AGO1: variants seen among roughly 807,000 people sequenced by gnomAD.
AGO1 encodes the protein argonaute RISC component 1.
AGO1 carries 11 observed loss-of-function variants against 109.2 expected under a neutral mutation model. That is an observed-to-expected ratio of 0.10 (90% CI 0.06 to 0.17). The LOEUF is 0.17. Among genes scored for constraint, AGO1 ranks in the 10% least tolerant of loss-of-function variants. The pLI is 1.00. For synonymous variants in AGO1, 422 were observed against 418.6 expected, an observed-to-expected ratio of 1.01 and a Z score of -0.10; for missense variants, 574 against 1,140.3, an observed-to-expected ratio of 0.50 and a Z score of 7.15.
chr1:35,880,504 G>C (rs982639331), upstream of AGO1, among the ~76,000 whole-genome samples: 3 of 152,212 alleles, frequency 2.0e-5, no homozygotes, highest in African/African-American at 7.2e-5. Context: ...GGAGACTGCA[G>C]AGTCCAGATT....
intron 14 of AGO1, among the ~76,000 whole-genome samples, chr1:35,914,866 GGCTT>G (rs954469159): frequency 2.0e-5 from 3 of 152,116 alleles, no homozygotes; most frequent in Admixed American, 6.5e-5. Context: ...ATCCCTCCTA[GGCTT>G]TGGCTGCTGT....
In AGO1 at chr1:35,883,432, G is replaced by T; in HGVS notation, c.11G>T (p.Gly4Val). 3.2e-6 allele frequency: 5 copies of T among 1,572,764 alleles called. No individual in the cohort carries two copies. The highest frequency in any genetic ancestry group is 4.3e-6 in the Non-Finnish European group (5 of 1,162,290). Residue 4 changes from glycine to valine, a missense_variant, in exon 1 of 19, where the codon GGA becomes GTA. Physicochemically the swap from Gly to Val is moderately radical, Grantham distance 109. Around this residue, in one of 8 missense-constraint regions of AGO1, gnomAD observed 89 missense variants for 109.6 expected, o/e 0.81. Transcript: ENST00000373204. The surrounding 1 kb of genome is among the most constrained non-coding windows in gnomAD (Gnocchi z 5.4). Reference sequence around the variant, plus strand: ...GCACGGGTATATGGGATGGAAGCGGGACCCTCGGGAGCAGGTAAGGGTCCC... The same window carrying T: ...GCACGGGTATATGGGATGGAAGCGGTACCCTCGGGAGCAGGTAAGGGTCCC... The part of the protein sequence containing the change: MEA[G>V]PSGAAAGAYL...
intron 8 of AGO1, among the ~76,000 whole-genome samples, chr1:35,897,441 A>T (rs1645339324): frequency 6.6e-6 from 1 of 152,200 alleles, no homozygotes; most frequent in Non-Finnish European, 1.5e-5. Flanking sequence ...GTATTGTGTG[A>T]GGGGAAAAGC....
intron 11 of AGO1, among the ~76,000 whole-genome samples, chr1:35,905,617 C>T (rs1645505854): frequency 6.6e-6 from 1 of 152,092 alleles, no homozygotes; most frequent in African/African-American, 2.4e-5. Context: ...CAGGCACTCA[C>T]CACCATGCCC....
chr1:35,906,947 C>G lies in AGO1; in HGVS notation c.1410C>G (p.Asp470Glu). The G allele has an allele frequency of 1.2e-6, 2 of 1,612,258 alleles. No homozygotes were observed. Among genetic ancestry groups the G allele is most frequent in the Non-Finnish European group, 1.7e-6 (2 of 1,178,852 alleles). ...TGCGTGTGTACAGGAACTTCACAGACCAGCTGCGGAAGATTTCCAAGGATG... is the reference window on the plus strand; with the variant it reads ...TGCGTGTGTACAGGAACTTCACAGAGCAGCTGCGGAAGATTTCCAAGGATG... ...CREEVLKNFT[D>E]QLRKISKDAG... The change falls in exon 12 of 19, where the codon GAC becomes GAG. Residue 470 changes from aspartate (D) to glutamate (E), a missense_variant. Asp to Glu is a conservative substitution (Grantham distance 45, BLOSUM62 2). This residue lies in a region of AGO1 where 106 missense variants were observed against 147.8 expected (regional missense o/e 0.72). Transcript: ENST00000373204.
intron 8 of AGO1, among the ~76,000 whole-genome samples, chr1:35,896,955 G>T (rs1273222920): frequency 6.6e-6 from 1 of 152,184 alleles, no homozygotes; most frequent in Non-Finnish European, 1.5e-5. Flanking sequence ...TTAAACAGCA[G>T]TTTCCAAGGG....
intron 1 of AGO1, chr1:35,869,921 G>C (rs891935802): frequency 2.0e-5 from 3 of 152,226 alleles, no homozygotes; most frequent in African/African-American, 7.2e-5. Flanking sequence ...ATTTAATCCG[G>C]TGTGCATTTT....
rs80231347 is a variant in AGO1, at chr1:35,894,201, C to T, written c.784+30C>T. On this transcript the variant is annotated intron_variant, in intron 6 of 18. Coordinates refer to ENST00000373204, the MANE Select transcript of AGO1 (RefSeq NM_012199.5). The stretch of plus-strand genomic sequence containing the variant: ...GGACCCAACAGGAGGGGAAGGGAAA[C>T]AGCGCCACTTTAGCCCTAAGAGGAA... The T allele has an allele frequency of 2.0e-3, 3,132 of 1,568,840 alleles. 47 individuals are homozygous for T. In the African/African-American group the frequency reaches 0.037, roughly 18 times the overall value.
Position 35,888,696 on chromosome 1 carries a change from G to T in AGO1, c.209+86G>T, listed in dbSNP as rs560855697. 8.3e-6 allele frequency: 12 copies of T among 1,452,776 alleles called. No homozygotes were observed. The East Asian group carries it at 2.1e-4, about 26-fold the overall frequency. 90.0% of individuals were successfully genotyped at this position (1,452,776 alleles called of 1,614,324 possible). ...GAAAGGTAAAAGAAAAACCAGTAGA[G>T]GGTAGTATCACCAAATCTAAGGAAG... On this transcript the variant is annotated intron_variant, in intron 2 of 18. Coordinates refer to ENST00000373204, the MANE Select transcript of AGO1 (RefSeq NM_012199.5). This position sits in a 1 kb window ranked among gnomAD's most constrained non-coding sequence, Gnocchi z 4.1.
intron 1 of AGO1, among the ~76,000 whole-genome samples, chr1:35,885,512 C>T (rs902438736): frequency 6.6e-6 from 1 of 152,184 alleles, no homozygotes; most frequent in African/African-American, 2.4e-5. Flanking sequence ...TTGAGGGACC[C>T]CATAACTGCC....
chr1:35,903,131 C>A (rs910660815), intron 11 of AGO1, among the ~76,000 whole-genome samples: 1 of 151,566 alleles, frequency 6.6e-6, no homozygotes, highest in African/African-American at 2.4e-5. Flanking sequence ...CTCAGCCTCC[C>A]GAGTAGCTGG....
upstream of AGO1, among the ~76,000 whole-genome samples, chr1:35,879,734 CAAAAAAAAAAAAAA>C (rs71034705): frequency 1.3e-3 from 77 of 57,498 alleles, 1 homozygote; most frequent in African/African-American, 5.9e-3. Flanking sequence ...GGTTCTGTCT[CAAAAAAAAAAAAAA>C]AAAAAAAAAA....
chr1:35,879,169 G>A (rs868815646), upstream of AGO1, among the ~76,000 whole-genome samples: 91 of 152,324 alleles, frequency 6.0e-4, no homozygotes, highest in African/African-American at 2.1e-3. Context: ...AAATGCAGGG[G>A]CTGAGCACGG....
chr1:35,897,755 C>T (rs1043623250), intron 8 of AGO1, among the ~76,000 whole-genome samples: 8 of 152,020 alleles, frequency 5.3e-5, no homozygotes, highest in African/African-American at 1.4e-4. Flanking sequence ...ACAGCTTTAT[C>T]GAGATATAAT....
upstream of AGO1, among the ~76,000 whole-genome samples, chr1:35,880,298 AAG>A (rs1431836955): frequency 2.6e-5 from 4 of 151,772 alleles, no homozygotes; most frequent in Non-Finnish European, 4.4e-5. Context: ...ATTCCATAAG[AAG>A]AGTCTTTGGG....
At chr1:35,878,847 T>C (rs573477998), upstream of AGO1, among the ~76,000 whole-genome samples, 1 of 152,286 alleles carries the variant, frequency 6.6e-6, no homozygotes, top group Non-Finnish European at 1.5e-5. Flanking sequence ...TCCTTTTACT[T>C]ATTTAATCTG....
rs951959518 is a variant in AGO1, at chr1:35,930,279, A to G, written c.*10672A>G. 4 of 152,128 alleles carry G rather than the reference A, an allele frequency of 2.6e-5. No homozygotes were observed. Among genetic ancestry groups the G allele is most frequent in the African/African-American group, 9.7e-5 (4 of 41,398 alleles). 9.4% of individuals were successfully genotyped at this position (152,128 alleles called of 1,614,324 possible). The stretch of plus-strand genomic sequence containing the variant: ...GGCGTCTCAGATGTCTTTCGTTGAG[A>G]CGCAAAAAAAAGCTGTGGGGTAGGG... On this transcript the variant is annotated 3_prime_UTR_variant, in exon 19 of 19. Transcript: ENST00000373204.
intron 12 of AGO1, among the ~76,000 whole-genome samples, chr1:35,909,835 G>T (rs1213221871): frequency 2.0e-5 from 3 of 151,942 alleles, no homozygotes; most frequent in Non-Finnish European, 4.4e-5. Flanking sequence ...GTCTTTCTTG[G>T]ACCCTTGTAT....
chr1:35,900,389 T>C (rs1309963522), intron 8 of AGO1, among the ~76,000 whole-genome samples: 1 of 152,254 alleles, frequency 6.6e-6, no homozygotes, highest in Non-Finnish European at 1.5e-5. Flanking sequence ...TTAAGTGCTT[T>C]ATTTAATCTT....
Sources: allele counts gnomAD v4.1 joint callset (sites outside exome capture counted in the v4.1 genomes callset), GRCh38; gene constraint gnomAD v4.1.1; regional missense constraint gnomAD v4.1.1; non-coding constraint Gnocchi (gnomAD v3.1); transcripts MANE v1.5; gene names NCBI Gene and HGNC (gene_info 2026-07-23, HGNC 2026-07-21).